Variants in WDR59 observed in about 807,000 individuals in gnomAD.
WDR59 encodes the protein WD repeat domain 59, also known as GATOR2 complex protein WDR59.
Under a neutral mutation model 131.2 loss-of-function variants are expected in WDR59, and 100 were observed. The ratio of observed to expected loss-of-function variants is 0.76; its 90% confidence interval spans 0.65 to 0.90. The LOEUF (loss-of-function observed/expected upper bound fraction) is 0.90. Ranked by LOEUF, WDR59 falls within the 40% of genes least tolerant of loss-of-function variation. The pLI is 0.00. For missense variants in WDR59, 1,203 were observed against 1,262.2 expected (o/e 0.95, Z 0.71); for synonymous variants, 601 against 466.2 (o/e 1.29, Z -3.72).
At chr16:74,981,640 A>T (rs1165233595) in intron 1 of WDR59, among the ~76,000 whole-genome samples, 32 of 3,770 alleles carry the variant, frequency 8.5e-3, no homozygotes, top group East Asian at 0.05. Flanking sequence ...ATATATATAT[A>T]TATATATATA....
At chr16:74,900,613 C>T (rs1383967667) in intron 18 of WDR59, among the ~76,000 whole-genome samples, 2 of 152,148 alleles carry the variant, frequency 1.3e-5, no homozygotes, top group Non-Finnish European at 2.9e-5. Context: ...AGAGTCGGTT[C>T]ACTTGTCAAA....
At chr16:74,968,743 A>ACAAAG (rs2033871446) in intron 1 of WDR59, among the ~76,000 whole-genome samples, 1 of 151,938 alleles carries the variant, frequency 6.6e-6, no homozygotes, top group Non-Finnish European at 1.5e-5. Flanking sequence ...ACAAAACAAA[A>ACAAAG]CAAAAACGGC....
intron 1 of WDR59, among the ~76,000 whole-genome samples, chr16:74,969,976 T>G (rs1304027286): frequency 6.6e-6 from 1 of 151,984 alleles, no homozygotes; most frequent in African/African-American, 2.4e-5. Context: ...CAGACTGGAG[T>G]GCAGTGGCTC....
intron 2 of WDR59, among the ~76,000 whole-genome samples, chr16:74,963,489 A>G (rs1416569591): frequency 6.6e-6 from 1 of 152,176 alleles, no homozygotes; most frequent in East Asian, 1.9e-4. Context: ...TAACACAAGA[A>G]CAGAAAACCA....
chr16:74,964,719 A>C (rs888174391), intron 2 of WDR59, among the ~76,000 whole-genome samples: 1 of 152,176 alleles, frequency 6.6e-6, no homozygotes, highest in Non-Finnish European at 1.5e-5. Context: ...ACTGTACTCG[A>C]GAGCAACACG....
intron 8 of WDR59, among the ~76,000 whole-genome samples, chr16:74,934,428 C>A (rs973267669): frequency 6.6e-6 from 1 of 152,286 alleles, no homozygotes; most frequent in Admixed American, 6.5e-5. Context: ...AATATCCTCA[C>A]TGTTCATAAC....
At chr16:74,953,224 C>A (rs925775245) in intron 3 of WDR59, among the ~76,000 whole-genome samples, 1 of 152,166 alleles carries the variant, frequency 6.6e-6, no homozygotes, top group Non-Finnish European at 1.5e-5. Flanking sequence ...GTAATCCCAG[C>A]ACTTTGGGAA....
chr16:74,936,860 A>G (rs1246605851), intron 8 of WDR59, among the ~76,000 whole-genome samples: 1 of 151,940 alleles, frequency 6.6e-6, no homozygotes, highest in African/African-American at 2.4e-5. Flanking sequence ...AAAAAATCAA[A>G]CGTAATACGA....
At position 74,924,265 on chromosome 16, in the gene WDR59, C is replaced by G. The variant is rs527247286; in HGVS notation, c.652-262G>C. 1.9e-3 allele frequency among the ~76,000 whole-genome samples: 289 copies of G among 152,262 alleles called. 2 individuals carry two copies. Among genetic ancestry groups the G allele is most frequent in the African/African-American group, 6.6e-3 (273 of 41,560 alleles). On this transcript the variant is annotated intron_variant, in intron 8 of 25. Transcript: ENST00000262144. ...AGGTCACTGTCAACAGGTTTGATTA[C>G]GAAATGACCTTTAGAGCTGAAAATT... is the stretch of plus-strand genomic sequence containing the variant.
chr16:74,892,380 T>G, intron 20 of WDR59, 104 bp downstream of exon 20: 1 of 1,000,620 alleles, frequency 1.0e-6, no homozygotes, highest in Non-Finnish European at 1.5e-6. Flanking sequence ...GAATTCCAAA[T>G]TAAGACACAC....
Position 74,918,014 on chromosome 16 carries a change from A to T in WDR59, c.887-6T>A, listed in dbSNP as rs1361071472. On this transcript the variant is annotated splice_polypyrimidine_tract_variant and splice_region_variant and intron_variant, in intron 10 of 25. Transcript: ENST00000262144. Reference sequence around the variant, plus strand: ...CAGTTGATAGTCCTTGGACCCTAGAAATCACCAAATAAGAATCCTGGAAAT... The same window carrying T: ...CAGTTGATAGTCCTTGGACCCTAGATATCACCAAATAAGAATCCTGGAAAT... 6.2e-7 allele frequency: 1 copy of T among 1,613,032 alleles called. No individual in the cohort carries two copies.
rs755290928 is a variant in WDR59 at position 74,922,111 on chromosome 16, A to G, written c.730-8T>C. 1.2e-6 allele frequency: 2 copies of G among 1,613,908 alleles called. No individual in the cohort carries two copies. The highest frequency in any genetic ancestry group is 8.5e-7 in the Non-Finnish European group (1 of 1,179,910). On this transcript the variant is annotated splice_polypyrimidine_tract_variant and splice_region_variant and intron_variant, in intron 9 of 25. Transcript: ENST00000262144. The stretch of plus-strand genomic sequence containing the variant: ...CAATCCATTGCTGAAAGGCTAAGGC[A>G]GGGAAGGGAAAAGCAGGTGATTAGA...
chr16:74,956,288 G>A (rs1200816804), intron 3 of WDR59, among the ~76,000 whole-genome samples, 187 bp downstream of exon 3: 1 of 152,124 alleles, frequency 6.6e-6, no homozygotes, highest in African/African-American at 2.4e-5. Flanking sequence ...TGACACCGAT[G>A]GGACCAGCGA....
chr16:74,899,426 G>T (rs1965442210), intron 18 of WDR59, among the ~76,000 whole-genome samples: 1 of 152,168 alleles, frequency 6.6e-6, no homozygotes, highest in Non-Finnish European at 1.5e-5. Context: ...TACAATCAGG[G>T]TTCTTTCCAA....
intron 8 of WDR59, among the ~76,000 whole-genome samples, chr16:74,925,877 T>A (rs911097710): frequency 1.3e-5 from 2 of 151,782 alleles, no homozygotes; most frequent in Non-Finnish European, 2.9e-5. Context: ...CCTAGCTGAT[T>A]GGGAGGCTGA....
intron 3 of WDR59, among the ~76,000 whole-genome samples, chr16:74,953,131 A>G (rs1436886980): frequency 3.3e-5 from 5 of 152,160 alleles, no homozygotes; most frequent in Non-Finnish European, 7.3e-5. Context: ...ACAGAATGTT[A>G]AAACTAGGAC....
At chr16:74,970,428 G>A (rs374945597) in intron 1 of WDR59, among the ~76,000 whole-genome samples, 1 of 145,798 alleles carries the variant, frequency 6.9e-6, no homozygotes, top group Non-Finnish European at 1.5e-5. Context: ...CCCAGGAGGC[G>A]GAGCTTGCAG....
At chr16:74,877,726 G>A (rs1354367380) in intron 25 of WDR59, among the ~76,000 whole-genome samples, 1 of 152,052 alleles carries the variant, frequency 6.6e-6, no homozygotes. Flanking sequence ...TGTATTTTTA[G>A]TAGACAGGGG....
At chr16:74,878,576 G>T (rs545237290) in intron 25 of WDR59, among the ~76,000 whole-genome samples, 1 of 144,300 alleles carries the variant, frequency 6.9e-6, no homozygotes, top group South Asian at 2.3e-4. Flanking sequence ...AACCTGGGAG[G>T]TGGAGGTTAC....
Sources: gnomAD v4.1 joint callset for allele counts (sites outside exome capture counted in the v4.1 genomes callset) on GRCh38, gnomAD v4.1.1 for gene constraint, MANE v1.5 for transcripts, NCBI Gene and HGNC (gene_info 2026-07-23, HGNC 2026-07-21) for gene names.